The following SDK1 variants were observed in gnomAD, a reference collection of about 807,000 sequenced individuals.
SDK1 encodes sidekick cell adhesion molecule 1.
SDK1 carries 157 observed loss-of-function variants against 245.5 expected under a neutral mutation model. That is an observed-to-expected ratio of 0.64 (90% confidence interval 0.56 to 0.73). SDK1 has a LOEUF of 0.73. SDK1 is among the 30% of genes least tolerant of loss of function. The pLI is 0.00. For missense variants in SDK1, 3,583 were observed against 3,002.3 expected, an observed-to-expected ratio of 1.19 and a Z score of -4.52; for synonymous variants, 1,647 against 1,278.5, an observed-to-expected ratio of 1.29 and a Z score of -6.15.
rs149542265 is a variant in SDK1, at chr7:3,967,676, G to A, written c.1546+242G>A. Among the ~76,000 whole-genome samples, 25 of 152,340 alleles carry A rather than the reference G, an allele frequency of 1.6e-4. No homozygotes were observed. The East Asian group carries it at 4.6e-3, about 28-fold the overall frequency. On this transcript the variant is annotated intron_variant, in intron 10 of 44. Coordinates refer to ENST00000404826, the MANE Select transcript of SDK1 (RefSeq NM_152744.4). ...CTAAGGATGAAACTGTTCCATCTCA[G>A]ATCATTAGATTCTTCTAGGGAGTGT... is the stretch of plus-strand genomic sequence containing the variant.
At chr7:3,516,008 A>G (rs1782735571) in intron 1 of SDK1, among the ~76,000 whole-genome samples, 1 of 152,120 alleles carries the variant, frequency 6.6e-6, no homozygotes, top group Non-Finnish European at 1.5e-5. Flanking sequence ...TTATACTTAT[A>G]GTTCATCAGA....
At chr7:3,906,617 CTTTTTTTTTTTTT>C (rs71032914) in intron 5 of SDK1, among the ~76,000 whole-genome samples, 2 of 57,250 alleles carry the variant, frequency 3.5e-5, no homozygotes, top group Admixed American at 3.1e-4. Context: ...ATTTCAGTGT[CTTTTTTTTTTTTT>C]TTTTTTTTTT....
chr7:3,544,513 T>C (rs1380182303), intron 1 of SDK1, among the ~76,000 whole-genome samples: 2 of 152,224 alleles, frequency 1.3e-5, no homozygotes, highest in African/African-American at 2.4e-5. Context: ...TTTCTTCACA[T>C]GGAAAATGAG....
chr7:3,422,243 G>A (rs17133315), intron 1 of SDK1, among the ~76,000 whole-genome samples: 22,576 of 151,886 alleles, frequency 0.15, 1,663 homozygotes, highest in South Asian at 0.22. Context: ...GGTGGTCAGA[G>A]GATCAATATT....
At chr7:3,872,228 A>G (rs956769099) in intron 5 of SDK1, among the ~76,000 whole-genome samples, 1 of 152,166 alleles carries the variant, frequency 6.6e-6, no homozygotes, top group Non-Finnish European at 1.5e-5. Flanking sequence ...TATATTCTCT[A>G]TTCATGAGAG....
chr7:3,499,045 C>T (rs906266169), intron 1 of SDK1, among the ~76,000 whole-genome samples: 4 of 152,164 alleles, frequency 2.6e-5, no homozygotes, highest in Non-Finnish European at 5.9e-5. Context: ...GTTTTAAAAT[C>T]TGATGTTGCA....
chr7:3,495,819 G>C (rs763948292), intron 1 of SDK1, among the ~76,000 whole-genome samples: 1 of 152,160 alleles, frequency 6.6e-6, no homozygotes, highest in Non-Finnish European at 1.5e-5. Context: ...AGCTGGTCCC[G>C]TGGCCTGGGT....
chr7:3,332,232 G>C (rs922720125), intron 1 of SDK1, among the ~76,000 whole-genome samples: 5 of 152,250 alleles, frequency 3.3e-5, no homozygotes, highest in South Asian at 2.1e-4. Context: ...ATAGTTTTAA[G>C]TCTCCTTATT....
At position 3,625,646 on chromosome 7, in the gene SDK1, A is replaced by G. The variant is rs370196047; in HGVS notation, c.458+6407A>G. 5.9e-5 allele frequency among the ~76,000 whole-genome samples: 9 copies of G among 152,344 alleles called. 1 individual carries two copies. Among genetic ancestry groups the G allele is most frequent in the African/African-American group, 1.7e-4 (7 of 41,580 alleles). On this transcript the variant is annotated intron_variant, in intron 2 of 44. Coordinates refer to ENST00000404826, the MANE Select transcript of SDK1 (RefSeq NM_152744.4). Reference sequence around the variant, plus strand: ...AATGCATCTCAGAAGTGCCCACTCTAATGGGTGAAAGAGGAAATTATTTAT... The same window carrying G: ...AATGCATCTCAGAAGTGCCCACTCTGATGGGTGAAAGAGGAAATTATTTAT...
At chr7:3,700,666 C>A (rs935162705) in intron 4 of SDK1, among the ~76,000 whole-genome samples, 1 of 152,076 alleles carries the variant, frequency 6.6e-6, no homozygotes, top group Non-Finnish European at 1.5e-5. Flanking sequence ...CCACAACAAA[C>A]AAACAAAAAT....
At chr7:3,579,250 T>A (rs189843727) in intron 1 of SDK1, among the ~76,000 whole-genome samples, 1 of 149,660 alleles carries the variant, frequency 6.7e-6, no homozygotes, top group East Asian at 1.9e-4. Flanking sequence ...TTAGCCAATA[T>A]CCTTGATGAA....
chr7:3,788,456 C>G (rs1241308037), intron 4 of SDK1, among the ~76,000 whole-genome samples: 4 of 152,064 alleles, frequency 2.6e-5, no homozygotes, highest in African/African-American at 7.2e-5. Context: ...TATCTACCAC[C>G]CAGTCTGCAT....
At chr7:3,838,683 G>T (rs1405459916) in intron 5 of SDK1, among the ~76,000 whole-genome samples, 1 of 152,180 alleles carries the variant, frequency 6.6e-6, no homozygotes, top group Non-Finnish European at 1.5e-5. Flanking sequence ...CGATCTGAGG[G>T]AGCTGATGGG....
chr7:3,380,853 C>T (rs1465521025), intron 1 of SDK1, among the ~76,000 whole-genome samples: 1 of 152,126 alleles, frequency 6.6e-6, no homozygotes, highest in Non-Finnish European at 1.5e-5. Context: ...TTCAAAGAAA[C>T]CACCCCCATT....
At chr7:3,825,315 C>G (rs914756869) in intron 5 of SDK1, among the ~76,000 whole-genome samples, 27 of 140,084 alleles carry the variant, frequency 1.9e-4, no homozygotes, top group African/African-American at 7.1e-4. Context: ...GAGTTTCTTC[C>G]TCTAAAAAAA....
intron 35 of SDK1, among the ~76,000 whole-genome samples, chr7:4,202,366 C>A (rs554078626): frequency 3.9e-4 from 60 of 152,358 alleles, no homozygotes; most frequent in African/African-American, 1.3e-3. Flanking sequence ...CGAGTGCCAG[C>A]ATCTTCTCTT....
At chr7:3,750,119 A>G (rs1277610041) in intron 4 of SDK1, among the ~76,000 whole-genome samples, 1 of 152,208 alleles carries the variant, frequency 6.6e-6, no homozygotes, top group East Asian at 1.9e-4. Context: ...TTCACTCTGA[A>G]TGTTTGGTTA....
intron 35 of SDK1, among the ~76,000 whole-genome samples, chr7:4,183,772 G>C (rs560988623): frequency 3.3e-5 from 5 of 152,294 alleles, no homozygotes; most frequent in South Asian, 2.1e-4. Context: ...AGGGGGATTG[G>C]CTTTAGGGAA....
At chr7:4,139,681 G>GTGTGTGTATGTGTT (rs1562872661) in intron 28 of SDK1, among the ~76,000 whole-genome samples, 7 of 113,400 alleles carry the variant, frequency 6.2e-5, no homozygotes, top group African/African-American at 1.7e-4. Context: ...GTGTATATGT[G>GTGTGTGTATGTGTT]TGTGTGTGTA....
Sources: gnomAD v4.1 joint callset for allele counts (sites outside exome capture counted in the v4.1 genomes callset) on GRCh38, gnomAD v4.1.1 for gene constraint, MANE v1.5 for transcripts, NCBI Gene and HGNC (gene_info 2026-07-23, HGNC 2026-07-21) for gene names.